CFAP54: variants seen among roughly 807,000 people sequenced by gnomAD.
The protein encoded by CFAP54 is cilia- and flagella-associated protein 54.
Under a neutral mutation model 370.4 loss-of-function variants are expected in CFAP54, and 290 were observed. The observed-to-expected ratio is 0.78, with a 90% confidence interval of 0.71 to 0.86. The LOEUF (loss-of-function observed/expected upper bound fraction) is 0.86. CFAP54 is among the 40% of genes least tolerant of loss of function. The probability of loss-of-function intolerance (pLI) is 0.00; values close to 1 mark genes in which losing one functional copy is unlikely to be tolerated. For missense variants in CFAP54, 3,399 were observed against 3,528.7 expected, an observed-to-expected ratio of 0.96 and a Z score of 0.93; for synonymous variants, 1,206 against 1,236.5, an observed-to-expected ratio of 0.98 and a Z score of 0.52.
intron 67 of CFAP54, among the ~76,000 whole-genome samples, chr12:96,871,221 C>G (rs978744533): frequency 2.0e-5 from 3 of 152,174 alleles, no homozygotes; most frequent in Admixed American, 6.5e-5. Context: ...AACAAAGCCT[C>G]AGAGATTTCA....
At chr12:96,865,746 T>C (rs928210008) in intron 67 of CFAP54, among the ~76,000 whole-genome samples, 10 of 152,152 alleles carry the variant, frequency 6.6e-5, no homozygotes, top group Admixed American at 3.3e-4. Context: ...CGCCTATCAG[T>C]AAATAACTAA....
At chr12:96,528,857 G>C (rs1955410523) in intron 9 of CFAP54, among the ~76,000 whole-genome samples, 1 of 151,874 alleles carries the variant, frequency 6.6e-6, no homozygotes, top group Non-Finnish European at 1.5e-5. Context: ...TTATTGACTT[G>C]GAAGCTTAGA....
At chr12:96,746,176 A>G (rs1958112479) in intron 55 of CFAP54, among the ~76,000 whole-genome samples, 1 of 151,808 alleles carries the variant, frequency 6.6e-6, no homozygotes, top group Non-Finnish European at 1.5e-5. Flanking sequence ...TACCTTCCTT[A>G]CTCAACACAT....
At chr12:96,670,899 C>G (rs751657270) in intron 39 of CFAP54, among the ~76,000 whole-genome samples, 4 of 152,192 alleles carry the variant, frequency 2.6e-5, no homozygotes, top group Non-Finnish European at 5.9e-5. Flanking sequence ...AGATGTCTGA[C>G]TAATGAGCTC....
In CFAP54 at chr12:96,617,691, T is replaced by C. The variant is rs556646879; in HGVS notation, c.3640-3899T>C. 1.9e-4 allele frequency among the ~76,000 whole-genome samples: 29 copies of C among 152,266 alleles called. No individual in the cohort carries two copies. In the South Asian group the frequency reaches 2.3e-3, roughly 12 times the overall value. On this transcript the variant is annotated intron_variant, in intron 26 of 67. Transcript: ENST00000524981. ...TCTATCTTCCAAGGTTACTTTTCTT[T>C]AGAATATATTTATCTGCGGGCGGGG...
chr12:96,637,879 G>T (rs576952097), intron 32 of CFAP54, among the ~76,000 whole-genome samples: 9 of 152,104 alleles, frequency 5.9e-5, no homozygotes, highest in Non-Finnish European at 1.0e-4. Context: ...TCCATGTTTA[G>T]ATGTACAAAT....
chr12:96,780,359 G>A (rs937394246), intron 60 of CFAP54, among the ~76,000 whole-genome samples: 3 of 152,162 alleles, frequency 2.0e-5, no homozygotes, highest in African/African-American at 7.2e-5. Context: ...ATAGTGTGAG[G>A]CTGAAATTAA....
chr12:96,527,744 T>C (rs982028699), intron 9 of CFAP54, among the ~76,000 whole-genome samples: 2 of 152,152 alleles, frequency 1.3e-5, no homozygotes, highest in South Asian at 4.1e-4. Flanking sequence ...AATTTTTGTA[T>C]TTTTTGTAGA....
intron 65 of CFAP54, among the ~76,000 whole-genome samples, chr12:96,826,469 TATATA>T (rs1262694500): frequency 4.2e-5 from 5 of 120,194 alleles, no homozygotes; most frequent in East Asian, 5.0e-4. Context: ...TACTATATAT[TATATA>T]ATATATGTAA....
intron 58 of CFAP54, among the ~76,000 whole-genome samples, chr12:96,758,112 A>T (rs968301435): frequency 2.0e-5 from 3 of 152,180 alleles, no homozygotes; most frequent in African/African-American, 7.2e-5. Flanking sequence ...GTCTAAAACA[A>T]ACTTGGTCCC....
intron 26 of CFAP54, among the ~76,000 whole-genome samples, chr12:96,601,418 T>C (rs1017963818): frequency 6.6e-6 from 1 of 152,202 alleles, no homozygotes; most frequent in Admixed American, 6.5e-5. Context: ...TGAAATTCTC[T>C]TTTTTGTTGT....
chr12:96,777,123 C>A (rs1244159647), intron 60 of CFAP54, among the ~76,000 whole-genome samples: 1 of 152,022 alleles, frequency 6.6e-6, no homozygotes, highest in East Asian at 1.9e-4. Context: ...GCTGTTCTTT[C>A]AGTAAAAATG....
At chr12:96,769,532 G>T (rs1221183181) in intron 60 of CFAP54, among the ~76,000 whole-genome samples, 1 of 152,224 alleles carries the variant, frequency 6.6e-6, no homozygotes, top group African/African-American at 2.4e-5. Flanking sequence ...TAGACAGACT[G>T]CTCTGTCTTG....
intron 60 of CFAP54, among the ~76,000 whole-genome samples, chr12:96,772,731 T>C (rs1336644308): frequency 6.6e-6 from 1 of 152,072 alleles, no homozygotes; most frequent in East Asian, 1.9e-4. Flanking sequence ...GCGATTCTCC[T>C]GCCTCAGCCT....
chr12:96,506,589 CTT>C (rs71068809), intron 3 of CFAP54, among the ~76,000 whole-genome samples: 5 of 130,874 alleles, frequency 3.8e-5, no homozygotes, highest in Admixed American at 1.6e-4. Flanking sequence ...CTTTTCTTTT[CTT>C]TTTTTTTTTT....
chr12:96,564,275 A>G (rs961868223), intron 17 of CFAP54, among the ~76,000 whole-genome samples, 193 bp from the exon 18 acceptor site: 2 of 152,228 alleles, frequency 1.3e-5, no homozygotes, highest in African/African-American at 4.8e-5. Context: ...GTCCTGAGGT[A>G]TACTGTGGCA....
chr12:96,767,495 C>A (rs559062425), intron 60 of CFAP54, among the ~76,000 whole-genome samples: 15 of 152,278 alleles, frequency 9.9e-5, no homozygotes, highest in Admixed American at 9.2e-4. Flanking sequence ...ACCATTAGCC[C>A]TTCTTTACTA....
In CFAP54 at chr12:96,668,304, T is replaced by C. The variant is rs117402280; in HGVS notation, c.5563+4372T>C. On this transcript the variant is annotated intron_variant, in intron 39 of 67. Coordinates refer to ENST00000524981, the MANE Select transcript of CFAP54 (RefSeq NM_001306084.2). ...GCAGCACCCCACTACCTGGTACCAG[T>C]TTACTGTATTAGGCCATTCTCATGC... Among the ~76,000 whole-genome samples, 289 of 152,240 alleles carry C rather than the reference T, an allele frequency of 1.9e-3. 5 individuals carry two copies. The East Asian group carries it at 0.045, about 24-fold the overall frequency.
chr12:96,594,178 AAC>A (rs535966430), intron 24 of CFAP54, 111 bp from the exon 25 acceptor site: 1 of 680,200 alleles, frequency 1.5e-6, no homozygotes, highest in South Asian at 4.3e-5. Context: ...TTAAAATACA[AAC>A]ACTCATGTTG....
Sources: gnomAD v4.1 joint callset for allele counts (sites outside exome capture counted in the v4.1 genomes callset) on GRCh38, gnomAD v4.1.1 for gene constraint, MANE v1.5 for transcripts, NCBI Gene and HGNC (gene_info 2026-07-23, HGNC 2026-07-21) for gene names.